Variants in TRIM3 observed in about 807,000 individuals in gnomAD.
TRIM3 encodes the protein tripartite motif-containing protein 3.
TRIM3 carries 13 observed loss-of-function variants against 66.6 expected under a neutral mutation model. That is an observed-to-expected ratio of 0.20 (90% CI 0.13 to 0.31). TRIM3 has a LOEUF of 0.31. Among genes scored for constraint, TRIM3 ranks in the 10% least tolerant of loss-of-function variants. The pLI is 1.00. For missense variants in TRIM3, 711 were observed against 1,020.4 expected, an observed-to-expected ratio of 0.70 and a Z score of 4.13; for synonymous variants, 406 against 411.7, an observed-to-expected ratio of 0.99 and a Z score of 0.17.
chr11:6,451,502 G>A (rs1849718873), intron 7 of TRIM3, 64 bp from the exon 8 acceptor site: 15 of 1,572,250 alleles, frequency 9.5e-6, no homozygotes, highest in Non-Finnish European at 1.2e-5. Context: ...ACAGACAGAA[G>A]GGAGTAGGAT....
chr11:6,449,435 G>A lies in TRIM3; in HGVS notation c.1953C>T (p.Ala651=), dbSNP rs1051938247. Residue 651 remains alanine, a synonymous_variant, in exon 11 of 12, where the codon GCC becomes GCT. Coordinates refer to ENST00000345851, the MANE Select transcript of TRIM3 (RefSeq NM_033278.4). The surrounding 1 kb of genome is among the most constrained non-coding windows in gnomAD (Gnocchi z 5.3). The stretch of plus-strand genomic sequence containing the variant: ...CAAACTTGAAGAGGAACTCTCCATC[G>A]GCACTGTACACCTGGCGGGGGAAGG... ...FHNHSVKVYS[A]DGEFLFKFGS... 2.5e-6 allele frequency: 4 copies of A among 1,613,696 alleles called. No individual in the cohort carries two copies. The highest frequency in any genetic ancestry group is 3.4e-6 in the Non-Finnish European group (4 of 1,179,812).
At chr11:6,467,308 A>C (rs1323704652) in intron 1 of TRIM3, among the ~76,000 whole-genome samples, 2 of 152,192 alleles carry the variant, frequency 1.3e-5, no homozygotes, top group Non-Finnish European at 2.9e-5. Flanking sequence ...CAGGAAGGGA[A>C]ATCATTCTAG....
intron 7 of TRIM3, 108 bp downstream of exon 7, chr11:6,455,964 T>G: frequency 2.8e-6 from 2 of 707,986 alleles, no homozygotes; most frequent in East Asian, 2.6e-5. Context: ...CGGTACTATC[T>G]GTAGGGTTCC....
intron 7 of TRIM3, among the ~76,000 whole-genome samples, chr11:6,453,889 C>T (rs971515024): frequency 6.6e-6 from 1 of 152,154 alleles, no homozygotes; most frequent in Non-Finnish European, 1.5e-5. Flanking sequence ...CATCAGGGAG[C>T]CCAGCCCATG....
In TRIM3 at chr11:6,465,706, G is replaced by A. The variant is rs1850435051; in HGVS notation, c.-11C>T. 7 of 1,609,146 alleles carry A rather than the reference G, an allele frequency of 4.4e-6. No homozygotes were observed. The highest frequency in any genetic ancestry group is 1.3e-5 in the African/African-American group (1 of 74,910). On this transcript the variant is annotated 5_prime_UTR_variant, in exon 2 of 12. Transcript: ENST00000345851. ...CTCCCTCTTTGCCATGGCGCCCACA[G>A]ATGGCTCCCGCCACTCACACCAGCC...
Position 6,451,166 on chromosome 11 carries a change from G to A in TRIM3, c.1701+105C>T, listed in dbSNP as rs1849702172. ...TGGGCTGGGGAAAGAACAGGGAGTAGGAGGAGGTAGGATTGGATCAGTCCA... is the reference window on the plus strand; with the variant it reads ...TGGGCTGGGGAAAGAACAGGGAGTAAGAGGAGGTAGGATTGGATCAGTCCA... On this transcript the variant is annotated intron_variant, in intron 8 of 11. Transcript: ENST00000345851. 3.2e-6 allele frequency: 5 copies of A among 1,582,136 alleles called. No homozygotes were observed. In the South Asian group the frequency reaches 5.7e-5, roughly 18 times the overall value.
At chr11:6,468,854 GTGAATGAATGAA>G (rs111290321) in intron 1 of TRIM3, among the ~76,000 whole-genome samples, 21 of 150,974 alleles carry the variant, frequency 1.4e-4, no homozygotes, top group African/African-American at 4.6e-4. Context: ...TCTAAAGACT[GTGAATGAATGAA>G]TGAATGAATG....
chr11:6,456,120 G>C lies in TRIM3; in HGVS notation c.1485C>G (p.Ala495=). 6.2e-7 allele frequency: 1 copy of C among 1,614,180 alleles called. No individual in the cohort carries two copies. The highest frequency in any genetic ancestry group is 8.5e-7 in the Non-Finnish European group (1 of 1,180,030). Residue 495 remains alanine, a synonymous_variant, in exon 7 of 12, where the codon GCC becomes GCG. Coordinates refer to ENST00000345851, the MANE Select transcript of TRIM3 (RefSeq NM_033278.4). This position sits in a 1 kb window ranked among gnomAD's most constrained non-coding sequence, Gnocchi z 6.4. The stretch of plus-strand genomic sequence containing the variant: ...CTGCTACCACGATGCGGCCGCTGCT[G>C]GCTGCGGACACACCTTGTAAATTGG... ...EFTNLQGVSA[A]SSGRIVVADS...
chr11:6,469,836 A>G (rs976074722), intron 1 of TRIM3, among the ~76,000 whole-genome samples: 3 of 152,188 alleles, frequency 2.0e-5, no homozygotes, highest in African/African-American at 7.2e-5. Flanking sequence ...CAGAGGTTGG[A>G]GGCCAACCTT....
chr11:6,457,728 G>T lies in TRIM3; in HGVS notation c.483C>A (p.Ala161=). The T allele has an allele frequency of 6.2e-7, 1 of 1,613,714 alleles. No homozygotes were observed. The highest frequency in any genetic ancestry group is 1.1e-5 in the South Asian group (1 of 91,060). Reference sequence around the variant, plus strand: ...GCACAGCCTCGAGCTGGCGCTGCAGGGCCGCCTTGTGCTGCTCCACCACAT... The same window carrying T: ...GCACAGCCTCGAGCTGGCGCTGCAGTGCCGCCTTGTGCTGCTCCACCACAT... ...LRDVVEQHKA[A]LQRQLEAVRG... Residue 161 remains alanine, a synonymous_variant, in exon 4 of 12, where the codon GCC becomes GCA. Coordinates refer to ENST00000345851, the MANE Select transcript of TRIM3 (RefSeq NM_033278.4). This position sits in a 1 kb window ranked among gnomAD's most constrained non-coding sequence, Gnocchi z 4.5.
At position 6,458,462 on chromosome 11, in the gene TRIM3, C is replaced by T; in HGVS notation, c.132-166G>A. The T allele has an allele frequency of 1.6e-6, 1 of 623,966 alleles. No homozygotes were observed. 38.7% of individuals were successfully genotyped at this position (623,966 alleles called of 1,614,324 possible). A position where few individuals can be genotyped will look rare whatever the true frequency, so the allele number is the denominator to read the frequency against. ...CTCATCTGCCAGCAGGTATAATGGC[C>T]TTGCCCCTTACAACTGAGTAGGAAC... On this transcript the variant is annotated intron_variant, in intron 2 of 11. Coordinates refer to ENST00000345851, the MANE Select transcript of TRIM3 (RefSeq NM_033278.4). The surrounding 1 kb of genome is among the most constrained non-coding windows in gnomAD (Gnocchi z 6.2).
In TRIM3 at chr11:6,457,523, C is replaced by A. The variant is rs375910885; in HGVS notation, c.516-47G>T. On this transcript the variant is annotated intron_variant, in intron 4 of 11. Transcript: ENST00000345851. This position sits in a 1 kb window ranked among gnomAD's most constrained non-coding sequence, Gnocchi z 4.5. ...CCAGAGTTGCTGAGGGTGGCTTTGC[C>A]GAACTTTCCCTTCTCCCTGGGGAAC... 211 of 1,595,188 alleles carry A rather than the reference C, an allele frequency of 1.3e-4. No homozygotes were observed. The highest frequency in any genetic ancestry group is 1.7e-4 in the Non-Finnish European group (203 of 1,169,540).
intron 8 of TRIM3, 47 bp downstream of exon 8, chr11:6,451,224 A>G (rs745371333): frequency 1.2e-6 from 2 of 1,610,780 alleles, no homozygotes; most frequent in Admixed American, 1.7e-5. Flanking sequence ...TAGACTGGTC[A>G]GTTCAGCTGG....
At chr11:6,473,517 T>C (rs2134244100) in intron 1 of TRIM3, among the ~76,000 whole-genome samples, 1 of 151,874 alleles carries the variant, frequency 6.6e-6, no homozygotes, top group African/African-American at 2.4e-5. Context: ...TTCAGCACCC[T>C]CCGCCAACAC....
At chr11:6,474,129 T>C (rs1850837277), upstream of TRIM3, 2 of 146,028 alleles carry the variant, frequency 1.4e-5, no homozygotes, top group Admixed American at 6.8e-5. Flanking sequence ...TCCTTGGTGC[T>C]GCTAGGGAGC....
rs540324662 is a variant in TRIM3, at chr11:6,458,655, T to C, written c.132-359A>G. 6.6e-6 allele frequency among the ~76,000 whole-genome samples: 1 copy of C among 152,308 alleles called. No individual in the cohort carries two copies. The highest frequency in any genetic ancestry group is 2.4e-5 in the African/African-American group (1 of 41,568). ...CACTACTGTCTACTCTTGCCAAATTTATGCCAAGCCCTGGGGACAAAAAGA... is the reference window on the plus strand; with the variant it reads ...CACTACTGTCTACTCTTGCCAAATTCATGCCAAGCCCTGGGGACAAAAAGA... On this transcript the variant is annotated intron_variant, in intron 2 of 11. Coordinates refer to ENST00000345851, the MANE Select transcript of TRIM3 (RefSeq NM_033278.4). This position sits in a 1 kb window ranked among gnomAD's most constrained non-coding sequence, Gnocchi z 6.2.
intron 1 of TRIM3, among the ~76,000 whole-genome samples, chr11:6,472,804 G>A (rs1042181667): frequency 2.0e-5 from 3 of 152,222 alleles, no homozygotes; most frequent in Non-Finnish European, 4.4e-5. Context: ...AAAGTAGCAA[G>A]TGCTCTGTCA....
Position 6,456,439 on chromosome 11 carries a change from G to A in TRIM3, c.1287C>T (p.Asp429=), listed in dbSNP as rs150129017. 4.6e-6 allele frequency: 7 copies of A among 1,535,330 alleles called. No homozygotes were observed. Among genetic ancestry groups the A allele is most frequent in the Non-Finnish European group, 3.5e-6 (4 of 1,139,020 alleles). The change falls in exon 6 of 12, where the codon GAC becomes GAT. Residue 429 remains aspartate, a synonymous_variant. Coordinates refer to ENST00000345851, the MANE Select transcript of TRIM3 (RefSeq NM_033278.4). The surrounding 1 kb of genome is among the most constrained non-coding windows in gnomAD (Gnocchi z 6.4). ...LRPGDLPPSP[D]DVKRRVKSPG... is the part of the protein sequence containing the mutation. ...GGGACTTGACACGGCGCTTCACATC[G>A]TCCGGGGAAGGTGGCAGGTCCCCCG...
upstream of TRIM3, chr11:6,474,200 G>T (rs1275190805): frequency 2.0e-5 from 3 of 152,186 alleles, no homozygotes; most frequent in African/African-American, 7.2e-5. Flanking sequence ...GCTGCCTCCG[G>T]CTCCGGGAAG....
Sources: allele counts gnomAD v4.1 joint callset (sites outside exome capture counted in the v4.1 genomes callset), GRCh38; gene constraint gnomAD v4.1.1; non-coding constraint Gnocchi (gnomAD v3.1); transcripts MANE v1.5; gene names NCBI Gene and HGNC (gene_info 2026-07-23, HGNC 2026-07-21).